PELI2: variants seen among roughly 807,000 people sequenced by gnomAD.
PELI2 encodes E3 ubiquitin-protein ligase pellino homolog 2.
A neutral mutation model predicts 42.3 loss-of-function variants in PELI2; 23 were observed. The observed-to-expected ratio is 0.54, with a 90% CI of 0.39 to 0.77. The LOEUF (loss-of-function observed/expected upper bound fraction) is 0.77, where lower values mean the gene tolerates loss of function less well. Ranked by LOEUF, PELI2 falls within the 30% of genes least tolerant of loss-of-function variation. The probability of loss-of-function intolerance (pLI) is 0.00; values close to 1 mark genes in which losing one functional copy is unlikely to be tolerated. For missense variants in PELI2, 463 were observed against 553.2 expected, an observed-to-expected ratio of 0.84 and a Z score of 1.64; for synonymous variants, 245 against 212.2, an observed-to-expected ratio of 1.15 and a Z score of -1.34.
chr14:56,222,399 A>G (rs1048748377), intron 2 of PELI2, among the ~76,000 whole-genome samples: 3 of 152,198 alleles, frequency 2.0e-5, no homozygotes, highest in African/African-American at 7.2e-5. Flanking sequence ...TTGTTAGGTG[A>G]ACCAAGTGTT....
chr14:56,238,560 C>T (rs1887873381), intron 2 of PELI2, among the ~76,000 whole-genome samples: 1 of 152,164 alleles, frequency 6.6e-6, no homozygotes, highest in South Asian at 2.1e-4. Flanking sequence ...CCTCATCCCT[C>T]CGTGCTCTTA....
In PELI2 at chr14:56,197,932, CA is replaced by C. The variant is rs1886185126; in HGVS notation, c.207+19469del. On this transcript the variant is annotated intron_variant, in intron 2 of 5. Transcript: ENST00000267460. This position sits in a 1 kb window ranked among gnomAD's most constrained non-coding sequence, Gnocchi z 4.9. Reference sequence around the variant, plus strand: ...ACTGGTGAAGACACACACACACACACACACACACACACACACCAGGGATCAT... The same window carrying C: ...ACTGGTGAAGACACACACACACACACCACACACACACACACCAGGGATCAT... Among the ~76,000 whole-genome samples, 1 of 148,934 alleles carries C rather than the reference CA, an allele frequency of 6.7e-6. No homozygotes were observed. The highest frequency in any genetic ancestry group is 6.7e-5 in the Admixed American group (1 of 14,872).
intron 2 of PELI2, among the ~76,000 whole-genome samples, chr14:56,188,616 A>C (rs1313100836): frequency 6.6e-6 from 1 of 152,182 alleles, no homozygotes; most frequent in Non-Finnish European, 1.5e-5. Flanking sequence ...TAGCATCATG[A>C]TAAGCAGCTT....
Position 56,125,420 on chromosome 14 carries a change from G to C in PELI2, c.77+6683G>C, listed in dbSNP as rs558491987. Among the ~76,000 whole-genome samples the C allele has an allele frequency of 5.7e-4, 87 of 151,950 alleles. 1 individual carries two copies. The highest frequency in any genetic ancestry group is 3.7e-3 in the Admixed American group (56 of 15,254). On this transcript the variant is annotated intron_variant, in intron 1 of 5. Coordinates refer to ENST00000267460, the MANE Select transcript of PELI2 (RefSeq NM_021255.3). ...GAAGAGAGTTATTGGGTGGGCAGGG[G>C]GGGGGTGAATTGGCAGGGTGAAATG...
At chr14:56,148,786 G>C (rs970593057) in intron 1 of PELI2, among the ~76,000 whole-genome samples, 14 of 152,176 alleles carry the variant, frequency 9.2e-5, no homozygotes, top group Admixed American at 2.6e-4. Flanking sequence ...CCTGGTAGCA[G>C]GGACTTTTCT....
intron 1 of PELI2, among the ~76,000 whole-genome samples, chr14:56,127,974 G>A (rs949330591): frequency 2.0e-5 from 3 of 152,150 alleles, no homozygotes; most frequent in African/African-American, 7.2e-5. Context: ...TGAGATGCAT[G>A]TGTGTATGTA....
chr14:56,182,050 A>G (rs1885603619), intron 2 of PELI2, among the ~76,000 whole-genome samples: 1 of 152,042 alleles, frequency 6.6e-6, no homozygotes, highest in Non-Finnish European at 1.5e-5. Flanking sequence ...ACATGGAGCT[A>G]AATGTCTAGT....
intron 2 of PELI2, among the ~76,000 whole-genome samples, chr14:56,206,519 TAAAA>T (rs113131410): frequency 6.6e-6 from 1 of 151,766 alleles, no homozygotes; most frequent in Non-Finnish European, 1.5e-5. Context: ...AAATGACTCT[TAAAA>T]ATGTGTTATT....
chr14:56,196,859 T>TA (rs1236469301), intron 2 of PELI2, among the ~76,000 whole-genome samples: 2 of 152,242 alleles, frequency 1.3e-5, no homozygotes, highest in Non-Finnish European at 2.9e-5. Flanking sequence ...TTAACTTTGT[T>TA]CATGGTGTCT....
At chr14:56,157,164 A>C (rs1439491847) in intron 1 of PELI2, among the ~76,000 whole-genome samples, 1 of 152,242 alleles carries the variant, frequency 6.6e-6, no homozygotes, top group Non-Finnish European at 1.5e-5. Flanking sequence ...TCTAGGTAAT[A>C]TACTTTTGTA....
At chr14:56,225,870 C>T (rs1481476174) in intron 2 of PELI2, among the ~76,000 whole-genome samples, 1 of 152,146 alleles carries the variant, frequency 6.6e-6, no homozygotes, top group Non-Finnish European at 1.5e-5. Context: ...AGTCCCCATT[C>T]TGGTGTTTGG....
intron 1 of PELI2, chr14:56,144,893 A>G (rs551234637): frequency 1.4e-6 from 1 of 740,462 alleles, no homozygotes; most frequent in Non-Finnish European, 1.6e-6. Context: ...AAGGATTTCC[A>G]TCCTACTATT....
At chr14:56,257,318 TAAAC>T (rs1438399728) in intron 2 of PELI2, among the ~76,000 whole-genome samples, 1 of 152,118 alleles carries the variant, frequency 6.6e-6, no homozygotes, top group Non-Finnish European at 1.5e-5. Context: ...GTAAGTAAAA[TAAAC>T]AACAACTAGT....
At position 56,247,771 on chromosome 14, in the gene PELI2, A is replaced by G. The variant is rs184652135; in HGVS notation, c.208-31905A>G. Among the ~76,000 whole-genome samples, 577 of 152,332 alleles carry G rather than the reference A, an allele frequency of 3.8e-3. 5 individuals are homozygous for G. Among genetic ancestry groups the G allele is most frequent in the Non-Finnish European group, 6.0e-3 (407 of 68,030 alleles). On this transcript the variant is annotated intron_variant, in intron 2 of 5. Transcript: ENST00000267460. ...CTACTTTGGGTATTATCTTCTAACT[A>G]TATTTCTCCATTGTATGTATAGAAA...
chr14:56,199,394 C>T (rs1219479244), intron 2 of PELI2, among the ~76,000 whole-genome samples: 1 of 152,206 alleles, frequency 6.6e-6, no homozygotes, highest in South Asian at 2.1e-4. Context: ...ACTGCTGAGT[C>T]ACAGTTCAGT....
At position 56,207,672 on chromosome 14, in the gene PELI2, G is replaced by T. The variant is rs12890087; in HGVS notation, c.207+29208G>T. 5.4e-3 allele frequency among the ~76,000 whole-genome samples: 821 copies of T among 152,332 alleles called. 1 individual carries two copies. Among genetic ancestry groups the T allele is most frequent in the Non-Finnish European group, 8.4e-3 (573 of 68,032 alleles). Reference sequence around the variant, plus strand: ...GGAGATTGCTAGGAAAAGAGGGCTGGTAAGGGTTACAGAGCCCCTCACTCC... The same window carrying T: ...GGAGATTGCTAGGAAAAGAGGGCTGTTAAGGGTTACAGAGCCCCTCACTCC... On this transcript the variant is annotated intron_variant, in intron 2 of 5. Transcript: ENST00000267460.
At chr14:56,127,338 T>C (rs1043029763) in intron 1 of PELI2, among the ~76,000 whole-genome samples, 1 of 152,138 alleles carries the variant, frequency 6.6e-6, no homozygotes, top group Non-Finnish European at 1.5e-5. Context: ...GGTGGGGTAA[T>C]CTATACAAGC....
chr14:56,259,944 A>G (rs1053856075), intron 2 of PELI2, among the ~76,000 whole-genome samples: 6 of 152,170 alleles, frequency 3.9e-5, no homozygotes, highest in African/African-American at 1.4e-4. Flanking sequence ...ATAAACTGCA[A>G]AACATTGTTG....
chr14:56,263,814 G>A (rs1414402921), intron 2 of PELI2, among the ~76,000 whole-genome samples: 1 of 152,150 alleles, frequency 6.6e-6, no homozygotes. Context: ...GTAGCTGTAA[G>A]AATAGAAATA....
Sources: gnomAD v4.1 joint callset for allele counts (sites outside exome capture counted in the v4.1 genomes callset) on GRCh38, gnomAD v4.1.1 for gene constraint, Gnocchi (gnomAD v3.1) non-coding constraint, MANE v1.5 for transcripts, NCBI Gene and HGNC (gene_info 2026-07-23, HGNC 2026-07-21) for gene names.